CFAP44: variants seen among roughly 807,000 people sequenced by gnomAD.
The protein encoded by CFAP44 is cilia- and flagella-associated protein 44.
Under a neutral mutation model 216.2 loss-of-function variants are expected in CFAP44, and 134 were observed. That is an observed-to-expected ratio of 0.62 (90% CI 0.54 to 0.72). The LOEUF (loss-of-function observed/expected upper bound fraction) is 0.72. Among genes scored for constraint, CFAP44 ranks in the 30% least tolerant of loss-of-function variants. CFAP44 has a pLI of 0.00. For synonymous variants in CFAP44, 700 were observed against 727.6 expected (o/e 0.96, Z 0.61); for missense variants, 2,035 against 2,182.1 (o/e 0.93, Z 1.34).
At chr3:113,342,129 T>G (rs1006700882) in intron 23 of CFAP44, among the ~76,000 whole-genome samples, 1 of 152,158 alleles carries the variant, frequency 6.6e-6, no homozygotes, top group Non-Finnish European at 1.5e-5. Flanking sequence ...GGTCAAGAGT[T>G]TGAGACCAGC....
intron 24 of CFAP44, 38 bp downstream of exon 24, chr3:113,341,706 T>C: frequency 1.4e-6 from 2 of 1,428,902 alleles, no homozygotes; most frequent in Non-Finnish European, 1.8e-6. Context: ...GGGGCTCACA[T>C]ATTAAAAAGA....
chr3:113,367,992 G>C (rs1933017711), intron 18 of CFAP44, among the ~76,000 whole-genome samples: 1 of 152,174 alleles, frequency 6.6e-6, no homozygotes, highest in Non-Finnish European at 1.5e-5. Context: ...GGATATCAGT[G>C]ATTGAAGATC....
At chr3:113,393,071 G>C (rs1004485581) in intron 15 of CFAP44, among the ~76,000 whole-genome samples, 2 of 152,114 alleles carry the variant, frequency 1.3e-5, no homozygotes, top group African/African-American at 4.8e-5. Context: ...ACCCTTACCA[G>C]AACCACTCAA....
chr3:113,407,940 T>C lies in CFAP44; in HGVS notation c.891-899A>G, dbSNP rs998932278. Among the ~76,000 whole-genome samples, 10 of 152,202 alleles carry C rather than the reference T, an allele frequency of 6.6e-5. No individual in the cohort carries two copies. The South Asian group carries it at 1.9e-3, about 28-fold the overall frequency. On this transcript the variant is annotated intron_variant, in intron 7 of 34. Coordinates refer to ENST00000393845, the MANE Select transcript of CFAP44 (RefSeq NM_001164496.2). ...AAATTAACTGTTCAATGTCTGCCTT[T>C]TCCCCAAAGATATGGGGCATAGAAA...
intron 23 of CFAP44, among the ~76,000 whole-genome samples, chr3:113,342,586 C>T (rs769199818): frequency 1.3e-5 from 2 of 151,974 alleles, no homozygotes; most frequent in East Asian, 1.9e-4. Context: ...GGAGAAAAAT[C>T]GAGTAAGTCC....
In CFAP44 at chr3:113,344,670, G is replaced by A. The variant is rs1303482372; in HGVS notation, c.3108C>T (p.Ala1036=). Residue 1036 remains alanine, a synonymous_variant, in exon 23 of 35, where the codon GCC becomes GCT. Transcript: ENST00000393845. ...PLESDTIVVH[A]ILSDHKISSY... ...AGGATATCTTGTGGTCACTCAGTATGGCATGAACCACAATAGTATCACTTT... is the reference window on the plus strand; with the variant it reads ...AGGATATCTTGTGGTCACTCAGTATAGCATGAACCACAATAGTATCACTTT... 6.5e-7 allele frequency: 1 copy of A among 1,532,060 alleles called. No individual in the cohort carries two copies. The highest frequency in any genetic ancestry group is 2.0e-5 in the Admixed American group (1 of 49,280). 94.9% of individuals were successfully genotyped at this position (1,532,060 alleles called of 1,614,324 possible).
At chr3:113,338,255 C>CAAAAAAAAAAAAAAAAAAAAAAAAAAAAA (rs10574877) in intron 24 of CFAP44, among the ~76,000 whole-genome samples, 1 of 43,042 alleles carries the variant, frequency 2.3e-5, no homozygotes, top group Non-Finnish European at 3.7e-5. Flanking sequence ...GACAATGTCT[C>CAAAAAAAAAAAAAAAAAAAAAAAAAAAAA]AAAAAAAAAA....
chr3:113,324,048 A>C (rs1306413134), intron 28 of CFAP44, among the ~76,000 whole-genome samples: 2 of 151,770 alleles, frequency 1.3e-5, no homozygotes, highest in Non-Finnish European at 2.9e-5. Context: ...GTCTCAAAAA[A>C]AAAAAAAAAA....
intron 13 of CFAP44, among the ~76,000 whole-genome samples, chr3:113,399,125 T>G (rs953981453): frequency 1.3e-5 from 2 of 152,168 alleles, no homozygotes; most frequent in African/African-American, 4.8e-5. Flanking sequence ...AACACTCCAG[T>G]TGGCAGTCCC....
chr3:113,412,703 T>G (rs1576598030), intron 6 of CFAP44, among the ~76,000 whole-genome samples: 1 of 152,222 alleles, frequency 6.6e-6, no homozygotes, highest in South Asian at 2.1e-4. Flanking sequence ...GGACATGATC[T>G]CATTCCTTTT....
intron 18 of CFAP44, among the ~76,000 whole-genome samples, chr3:113,371,485 T>A (rs1308653470): frequency 2.0e-5 from 3 of 152,184 alleles, no homozygotes; most frequent in African/African-American, 7.2e-5. Context: ...GGGGAAAGGA[T>A]TCCCTATTTA....
chr3:113,317,574 T>A (rs962301316), intron 28 of CFAP44, among the ~76,000 whole-genome samples: 4 of 152,082 alleles, frequency 2.6e-5, no homozygotes, highest in Non-Finnish European at 2.9e-5. Context: ...GCAAATTGGA[T>A]CCCCCAGTGC....
intron 28 of CFAP44, among the ~76,000 whole-genome samples, chr3:113,323,152 G>A (rs370302958): frequency 7.2e-5 from 11 of 152,102 alleles, no homozygotes; most frequent in South Asian, 2.1e-4. Context: ...ATGAGATTTC[G>A]GTAGGGACAC....
chr3:113,415,308 A>G (rs1206649808), intron 6 of CFAP44, among the ~76,000 whole-genome samples: 1 of 152,092 alleles, frequency 6.6e-6, no homozygotes, highest in Non-Finnish European at 1.5e-5. Context: ...TTTTTCAAAA[A>G]AACAGCTCCT....
chr3:113,437,486 T>C (rs1247005768), intron 1 of CFAP44, among the ~76,000 whole-genome samples: 1 of 152,246 alleles, frequency 6.6e-6, no homozygotes, highest in Non-Finnish European at 1.5e-5. Context: ...TATTCTGTGC[T>C]ATCTTAAACA....
At chr3:113,302,550 G>A (rs1473057794) in intron 32 of CFAP44, among the ~76,000 whole-genome samples, 1 of 150,414 alleles carries the variant, frequency 6.6e-6, no homozygotes, top group East Asian at 1.9e-4. Context: ...CAGATCACCT[G>A]GGAGTTTGAG....
chr3:113,394,950 C>T lies in CFAP44; in HGVS notation c.1890+800G>A, dbSNP rs554467215. ...ATAGTTTTTTCTCCTTGAGAGACTA[C>T]TTTGTACTGCTTATTTAATCCACTA... On this transcript the variant is annotated intron_variant, in intron 15 of 34. Coordinates refer to ENST00000393845, the MANE Select transcript of CFAP44 (RefSeq NM_001164496.2). 1.4e-3 allele frequency among the ~76,000 whole-genome samples: 218 copies of T among 152,302 alleles called. 2 individuals carry two copies. The highest frequency in any genetic ancestry group is 1.1e-3 in the Non-Finnish European group (73 of 68,024).
rs555853325 is a variant in CFAP44 at position 113,306,393 on chromosome 3, T to C, written c.4628-62A>G. 6.0e-6 allele frequency: 9 copies of C among 1,509,792 alleles called. No individual in the cohort carries two copies. In the Admixed American group the frequency reaches 7.0e-5, roughly 12 times the overall value. 93.5% of individuals were successfully genotyped at this position (1,509,792 alleles called of 1,614,324 possible). Reference sequence around the variant, plus strand: ...GTTATGGAATGTGGTAGTACTAAAATTGTGAACTTTGGAGATTCAGAATCA... The same window carrying C: ...GTTATGGAATGTGGTAGTACTAAAACTGTGAACTTTGGAGATTCAGAATCA... On this transcript the variant is annotated intron_variant, in intron 29 of 34. Coordinates refer to ENST00000393845, the MANE Select transcript of CFAP44 (RefSeq NM_001164496.2).
chr3:113,303,753 A>T (rs1240976719), intron 32 of CFAP44, among the ~76,000 whole-genome samples, 163 bp downstream of exon 32: 1 of 152,198 alleles, frequency 6.6e-6, no homozygotes, highest in Admixed American at 6.5e-5. Context: ...TTTTCATGGC[A>T]TCAGGAGAAA....
Sources: allele counts gnomAD v4.1 joint callset (sites outside exome capture counted in the v4.1 genomes callset), GRCh38; gene constraint gnomAD v4.1.1; transcripts MANE v1.5; gene names NCBI Gene and HGNC (gene_info 2026-07-23, HGNC 2026-07-21).